PAH: variants seen among roughly 807,000 people sequenced by gnomAD.
The protein encoded by PAH is phenylalanine-4-hydroxylase.
Under a neutral mutation model 62.0 loss-of-function variants are expected in PAH, and 64 were observed. The observed-to-expected ratio is 1.03, with a 90% CI of 0.84 to 1.27. The LOEUF (loss-of-function observed/expected upper bound fraction) is 1.27. PAH is among the 50% of genes most tolerant of loss of function. The probability of loss-of-function intolerance (pLI) is 0.00; values close to 1 mark genes in which losing one functional copy is unlikely to be tolerated. For synonymous variants in PAH, 195 were observed against 196.2 expected, an observed-to-expected ratio of 0.99 and a Z score of 0.05; for missense variants, 579 against 542.8, an observed-to-expected ratio of 1.07 and a Z score of -0.66.
Position 102,912,823 on chromosome 12 carries a change from C to G in PAH, c.136G>C (p.Gly46Arg), listed in dbSNP as rs74603784. Residue 46 changes from glycine (G) to arginine (R), a missense_variant, in exon 2 of 13, where the codon GGT becomes CGT. Physicochemically the swap from Gly to Arg is moderately radical, Grantham distance 125 (BLOSUM62 -2). Coordinates refer to ENST00000553106, the MANE Select transcript of PAH (RefSeq NM_000277.3). ...SLIFSLKEEV[G>R]ALAKVLRLFE... ...AAGCGCAATACTTTGGCCAATGCACCAACTTCTTCTTTGAGTGAGAAGATC... is the reference window on the plus strand; with the variant it reads ...AAGCGCAATACTTTGGCCAATGCACGAACTTCTTCTTTGAGTGAGAAGATC... The G allele has an allele frequency of 6.2e-7, 1 of 1,613,554 alleles. No homozygotes were observed. The highest frequency in any genetic ancestry group is 8.5e-7 in the Non-Finnish European group (1 of 1,179,570).
At chr12:102,866,718 C>G in intron 4 of PAH, 55 bp from the exon 5 acceptor site, 1 of 1,390,124 alleles carries the variant, frequency 7.2e-7, no homozygotes, top group Non-Finnish European at 1.0e-6. Context: ...AGGTCTGGTA[C>G]CTTTATGAAT....
chr12:102,956,047 T>C (rs1221793159), intron 1 of PAH, among the ~76,000 whole-genome samples: 1 of 152,114 alleles, frequency 6.6e-6, no homozygotes, highest in Non-Finnish European at 1.5e-5. Context: ...CCAGCCCACA[T>C]ACCAAGAGCA....
chr12:102,936,005 G>T (rs1195891451), intron 1 of PAH, among the ~76,000 whole-genome samples: 2 of 150,546 alleles, frequency 1.3e-5, no homozygotes, highest in African/African-American at 4.9e-5. Context: ...TTAATTTTTT[G>T]ATGTGGATAC....
At chr12:102,913,660 A>C in intron 1 of PAH, 1 of 555,066 alleles carries the variant, frequency 1.8e-6, no homozygotes, top group South Asian at 2.5e-5. Flanking sequence ...GGAAGCATTA[A>C]CTTGCTCCCA....
At chr12:102,857,073 A>C (rs1875469136) in intron 5 of PAH, among the ~76,000 whole-genome samples, 1 of 152,172 alleles carries the variant, frequency 6.6e-6, no homozygotes, top group Admixed American at 6.5e-5. Context: ...GAAGCTAAAA[A>C]CCTTGAAAAA....
chr12:102,889,497 TAGAC>T (rs1412185346), intron 3 of PAH, among the ~76,000 whole-genome samples: 9 of 151,186 alleles, frequency 6.0e-5, no homozygotes, highest in African/African-American at 2.2e-4. Context: ...AGATGATAGA[TAGAC>T]AGGTGTAGAT....
chr12:102,872,499 A>G (rs943879563), intron 4 of PAH, among the ~76,000 whole-genome samples: 2 of 152,230 alleles, frequency 1.3e-5, no homozygotes, highest in African/African-American at 4.8e-5. Context: ...CAACTAGCTG[A>G]CTGACTCTTA....
chr12:102,903,399 A>AC, intron 2 of PAH, among the ~76,000 whole-genome samples: 2 of 120,742 alleles, frequency 1.7e-5, no homozygotes, highest in African/African-American at 8.8e-5. Flanking sequence ...AAACAAACAA[A>AC]AAAAAACAAC....
rs111372648 is a variant in PAH at position 102,902,725 on chromosome 12, G to T, written c.169-7807C>A. 1.1e-3 allele frequency among the ~76,000 whole-genome samples: 164 copies of T among 152,320 alleles called. 1 individual carries two copies. The highest frequency in any genetic ancestry group is 3.4e-3 in the Middle Eastern group (1 of 294). ...GAGCTCAAGATTATCCCCCACTCTA[G>T]TCTGGAGGAGGAGATCTTGGAGAGG... is the stretch of plus-strand genomic sequence containing the variant. On this transcript the variant is annotated intron_variant, in intron 2 of 12. Transcript: ENST00000553106.
intron 5 of PAH, among the ~76,000 whole-genome samples, chr12:102,860,450 C>T (rs1875665358): frequency 6.6e-6 from 1 of 152,174 alleles, no homozygotes; most frequent in Non-Finnish European, 1.5e-5. Flanking sequence ...CATGAAGCTA[C>T]CAATGACTTT....
At chr12:102,861,894 C>A in intron 5 of PAH, among the ~76,000 whole-genome samples, 1 of 149,378 alleles carries the variant, frequency 6.7e-6, no homozygotes, top group African/African-American at 2.5e-5. Flanking sequence ...GGGTGCAGCA[C>A]ACCAACATGG....
rs760874101 is a variant in PAH, at chr12:102,845,528, T to C, written c.970-1097A>G. On this transcript the variant is annotated intron_variant, in intron 9 of 12. Transcript: ENST00000553106. ...AAATAACCAAGTACTTTTCTTTCAA[T>C]AACTGACAGTTCAATATGTCCTAGA... is the stretch of plus-strand genomic sequence containing the variant. Among the ~76,000 whole-genome samples the C allele has an allele frequency of 2.6e-5, 4 of 152,198 alleles. 1 individual carries two copies. Among genetic ancestry groups the C allele is most frequent in the Non-Finnish European group, 2.9e-5 (2 of 68,022 alleles).
chr12:102,849,344 T>C (rs1172319267), intron 8 of PAH, among the ~76,000 whole-genome samples: 2 of 152,204 alleles, frequency 1.3e-5, no homozygotes, highest in Non-Finnish European at 2.9e-5. Flanking sequence ...GGATAGGATG[T>C]TAGAGATGTC....
At chr12:102,917,649 C>T (rs2136735229), upstream of PAH, 1 of 214,352 alleles carries the variant, frequency 4.7e-6, no homozygotes, top group South Asian at 7.9e-5. Flanking sequence ...GTTGTTTTCC[C>T]TTCTGTTAAC....
chr12:102,881,457 C>T (rs35080156), intron 3 of PAH, among the ~76,000 whole-genome samples: 3,232 of 151,990 alleles, frequency 0.021, 47 homozygotes, highest in Non-Finnish European at 0.029. Context: ...TTTTCCTGTG[C>T]GGGTATGGAG....
At chr12:102,901,074 C>T (rs912315908) in intron 2 of PAH, among the ~76,000 whole-genome samples, 1 of 152,198 alleles carries the variant, frequency 6.6e-6, no homozygotes, top group Admixed American at 6.5e-5. Flanking sequence ...ACTTTCTTCT[C>T]CTATCCTTTA....
At chr12:102,955,453 C>T (rs896075844), upstream of PAH, among the ~76,000 whole-genome samples, 57 of 152,032 alleles carry the variant, frequency 3.7e-4, 2 homozygotes, top group Admixed American at 1.2e-3. Flanking sequence ...GAAGTGAGTC[C>T]AAGTTAGTAG....
At chr12:102,858,426 A>G (rs1875546986) in intron 5 of PAH, among the ~76,000 whole-genome samples, 1 of 152,200 alleles carries the variant, frequency 6.6e-6, no homozygotes, top group South Asian at 2.1e-4. Flanking sequence ...ACAAGAAAGA[A>G]AGTTAACAAG....
At chr12:102,942,701 C>T (rs1405177590) in intron 1 of PAH, among the ~76,000 whole-genome samples, 3 of 152,106 alleles carry the variant, frequency 2.0e-5, no homozygotes, top group Admixed American at 6.5e-5. Flanking sequence ...CAGCATGGTA[C>T]TGTTACAAAA....
Sources: gnomAD v4.1 joint callset for allele counts (sites outside exome capture counted in the v4.1 genomes callset) on GRCh38, gnomAD v4.1.1 for gene constraint, MANE v1.5 for transcripts, NCBI Gene and HGNC (gene_info 2026-07-23, HGNC 2026-07-21) for gene names.